Variants in CHST11 observed in about 807,000 individuals in gnomAD.
CHST11 encodes C4S-1.
Under a neutral mutation model 30.4 loss-of-function variants are expected in CHST11, and 9 were observed. That is an observed-to-expected ratio of 0.30 (90% CI 0.18 to 0.52). CHST11 has a LOEUF of 0.52. Among genes scored for constraint, CHST11 ranks in the 20% least tolerant of loss-of-function variants. CHST11 has a pLI of 0.97. For synonymous variants in CHST11, 152 were observed against 187.8 expected, an observed-to-expected ratio of 0.81 and a Z score of 1.56; for missense variants, 348 against 460.6, an observed-to-expected ratio of 0.76 and a Z score of 2.24.
At chr12:104,667,040 C>A (rs1353467715) in intron 2 of CHST11, among the ~76,000 whole-genome samples, 1 of 152,154 alleles carries the variant, frequency 6.6e-6, no homozygotes, top group African/African-American at 2.4e-5. Flanking sequence ...GATAGTTCTT[C>A]ATGAACATAG....
chr12:104,529,276 G>A (rs150033673), intron 1 of CHST11, among the ~76,000 whole-genome samples: 119 of 152,306 alleles, frequency 7.8e-4, no homozygotes, highest in East Asian at 6.8e-3. Flanking sequence ...AGGTCAACTT[G>A]TTGTGTGACA....
At chr12:104,561,337 T>C (rs7961596) in intron 1 of CHST11, among the ~76,000 whole-genome samples, 58,985 of 152,076 alleles carry the variant, frequency 0.39, 12,426 homozygotes, top group East Asian at 0.81. Context: ...CCAGGATGGC[T>C]CTCCACTACA....
At chr12:104,721,243 C>T (rs2040173473) in intron 2 of CHST11, among the ~76,000 whole-genome samples, 1 of 152,096 alleles carries the variant, frequency 6.6e-6, no homozygotes, top group Non-Finnish European at 1.5e-5. Context: ...CTCTCTGAGC[C>T]CTTAAGTCTC....
At chr12:104,653,464 A>G (rs1220094731) in intron 2 of CHST11, among the ~76,000 whole-genome samples, 1 of 152,216 alleles carries the variant, frequency 6.6e-6, no homozygotes, top group Non-Finnish European at 1.5e-5. Flanking sequence ...ACTGCGTGGT[A>G]GACAGTACCC....
At chr12:104,740,243 CACTT>C (rs759367402) in intron 2 of CHST11, among the ~76,000 whole-genome samples, 3 of 152,184 alleles carry the variant, frequency 2.0e-5, no homozygotes, top group Non-Finnish European at 4.4e-5. Context: ...ATGGGTCACT[CACTT>C]CTTTTTAGTT....
chr12:104,587,442 G>C (rs947902680), intron 1 of CHST11, among the ~76,000 whole-genome samples: 6 of 152,164 alleles, frequency 3.9e-5, no homozygotes, highest in African/African-American at 1.4e-4. Context: ...CGGTTGCCCA[G>C]ACTAGAGTGC....
At chr12:104,598,642 G>A (rs188425957) in intron 1 of CHST11, among the ~76,000 whole-genome samples, 3 of 152,310 alleles carry the variant, frequency 2.0e-5, no homozygotes, top group Admixed American at 6.5e-5. Context: ...CAATATCATG[G>A]GGAAAGTGAG....
At chr12:104,582,568 C>T (rs753956921) in intron 1 of CHST11, among the ~76,000 whole-genome samples, 23 of 152,104 alleles carry the variant, frequency 1.5e-4, no homozygotes, top group Non-Finnish European at 1.0e-4. Flanking sequence ...GTGCATTTCA[C>T]GTCCCCTCTG....
In CHST11 at chr12:104,676,002, C is replaced by T. The variant is rs553560299; in HGVS notation, c.204+74011C>T. Among the ~76,000 whole-genome samples, 52 of 152,262 alleles carry T rather than the reference C, an allele frequency of 3.4e-4. No individual in the cohort carries two copies. The South Asian group carries it at 6.2e-3, about 18-fold the overall frequency. On this transcript the variant is annotated intron_variant, in intron 2 of 2. Transcript: ENST00000303694. This position sits in a 1 kb window ranked among gnomAD's most constrained non-coding sequence, Gnocchi z 4.4. ...AGAGCCAAGGTTCACAAGCTACATC[C>T]CCGCATGCCTCGACTGGTCAACTCC...
intron 1 of CHST11, among the ~76,000 whole-genome samples, chr12:104,558,934 C>T (rs1277871547): frequency 6.6e-6 from 1 of 152,044 alleles, no homozygotes; most frequent in Non-Finnish European, 1.5e-5. Flanking sequence ...TGACTGCTTC[C>T]TAAGCAGGTG....
intron 2 of CHST11, among the ~76,000 whole-genome samples, chr12:104,602,933 C>T (rs2038970576): frequency 6.6e-6 from 1 of 151,990 alleles, no homozygotes; most frequent in Non-Finnish European, 1.5e-5. Flanking sequence ...GCCCCCTACC[C>T]CCCTTCCCAA....
At chr12:104,754,366 C>T (rs1025732123) in intron 2 of CHST11, among the ~76,000 whole-genome samples, 2 of 152,170 alleles carry the variant, frequency 1.3e-5, no homozygotes, top group Non-Finnish European at 2.9e-5. Context: ...GGTAGGTAAT[C>T]GGGCAGGTCT....
chr12:104,602,115 T>G (rs1226643251), intron 2 of CHST11, 124 bp downstream of exon 2: 2 of 681,456 alleles, frequency 2.9e-6, no homozygotes, highest in African/African-American at 1.8e-5. Context: ...CATTTTACCT[T>G]CAGTGGTTGC....
chr12:104,560,543 C>G (rs1230720557), intron 1 of CHST11, among the ~76,000 whole-genome samples: 2 of 152,134 alleles, frequency 1.3e-5, no homozygotes, highest in African/African-American at 4.8e-5. Context: ...ACGGTCATAC[C>G]TCAGCAGGCA....
At chr12:104,670,918 TCACA>T (rs1229903310) in intron 2 of CHST11, among the ~76,000 whole-genome samples, 1 of 151,880 alleles carries the variant, frequency 6.6e-6, no homozygotes, top group Non-Finnish European at 1.5e-5. Context: ...ACATGCACAC[TCACA>T]CACACACTCT....
At chr12:104,556,699 G>C (rs895267503) in intron 1 of CHST11, among the ~76,000 whole-genome samples, 3 of 151,638 alleles carry the variant, frequency 2.0e-5, no homozygotes, top group African/African-American at 7.3e-5. Context: ...CCTCTTCTTG[G>C]GCTGGGTGCG....
chr12:104,610,185 G>A (rs2039046840), intron 2 of CHST11, among the ~76,000 whole-genome samples: 1 of 152,020 alleles, frequency 6.6e-6, no homozygotes, highest in Non-Finnish European at 1.5e-5. Context: ...TCTTCTGTGG[G>A]CATGTCTGTT....
chr12:104,559,169 G>T (rs1248058152), intron 1 of CHST11, among the ~76,000 whole-genome samples: 1 of 152,000 alleles, frequency 6.6e-6, no homozygotes. Flanking sequence ...AGCACTTCTG[G>T]GCTTGGCTAC....
intron 1 of CHST11, among the ~76,000 whole-genome samples, chr12:104,582,767 T>C (rs2038759602): frequency 6.6e-6 from 1 of 151,888 alleles, no homozygotes; most frequent in African/African-American, 2.4e-5. Context: ...AAGGGAGGGT[T>C]ATATAAAATG....
Sources: gnomAD v4.1 joint callset for allele counts (sites outside exome capture counted in the v4.1 genomes callset) on GRCh38, gnomAD v4.1.1 for gene constraint, Gnocchi (gnomAD v3.1) non-coding constraint, MANE v1.5 for transcripts, NCBI Gene and HGNC (gene_info 2026-07-23, HGNC 2026-07-21) for gene names.